TYW1B: variants seen among roughly 807,000 people sequenced by gnomAD.
The protein encoded by TYW1B is S-adenosyl-L-methionine-dependent tRNA 4-demethylwyosine synthase TYW1B.
TYW1B carries 73 observed loss-of-function variants against 86.9 expected under a neutral mutation model. That is an observed-to-expected ratio of 0.84 (90% CI 0.70 to 1.02). TYW1B has a LOEUF of 1.02. Ranked by LOEUF, TYW1B falls within the 50% of genes least tolerant of loss-of-function variation. The pLI, the probability that TYW1B is intolerant of heterozygous loss-of-function variation, is 0.00. For missense variants in TYW1B, 637 were observed against 827.4 expected (o/e 0.77, Z 2.82); for synonymous variants, 248 against 292.8 (o/e 0.85, Z 1.56).
chr7:72,771,968 T>G (rs1787876270), intron 7 of TYW1B, among the ~76,000 whole-genome samples: 1 of 151,516 alleles, frequency 6.6e-6, no homozygotes, highest in South Asian at 2.1e-4. Context: ...TGCCTCAGAC[T>G]CCCACGTAAT....
At chr7:72,822,738 G>A (rs1447539060) in intron 2 of TYW1B, among the ~76,000 whole-genome samples, 1 of 152,192 alleles carries the variant, frequency 6.6e-6, no homozygotes, top group Non-Finnish European at 1.5e-5. Context: ...GCTGGGCATG[G>A]TGATTCATGC....
At chr7:72,626,763 C>A (rs1158773066) in intron 12 of TYW1B, among the ~76,000 whole-genome samples, 7 of 152,128 alleles carry the variant, frequency 4.6e-5, no homozygotes, top group African/African-American at 1.7e-4. Flanking sequence ...TCCCACTGAC[C>A]TTCCCCAAAC....
chr7:72,660,421 C>CTG (rs1470269151), intron 11 of TYW1B, among the ~76,000 whole-genome samples: 25 of 152,182 alleles, frequency 1.6e-4, no homozygotes, highest in Non-Finnish European at 1.0e-4. Context: ...AGCAGCATGG[C>CTG]TGTTCCAATA....
chr7:72,710,110 T>G (rs1786609784), intron 10 of TYW1B, among the ~76,000 whole-genome samples: 1 of 152,220 alleles, frequency 6.6e-6, no homozygotes. Context: ...TTTTCCTCAA[T>G]CCATGATGGC....
At chr7:72,813,881 G>C (rs1364194691) in intron 3 of TYW1B, among the ~76,000 whole-genome samples, 12 of 151,886 alleles carry the variant, frequency 7.9e-5, no homozygotes, top group Non-Finnish European at 1.5e-4. Context: ...CAGGTGTGGT[G>C]GTGGGCACCT....
intron 13 of TYW1B, among the ~76,000 whole-genome samples, chr7:72,613,720 CTTTA>C (rs1811995683): frequency 6.6e-6 from 1 of 151,904 alleles, no homozygotes; most frequent in African/African-American, 2.4e-5. Flanking sequence ...CCCATATTTT[CTTTA>C]TAAACAAAGC....
chr7:72,650,329 A>G (rs1282928755), intron 11 of TYW1B, among the ~76,000 whole-genome samples: 8 of 152,040 alleles, frequency 5.3e-5, no homozygotes, highest in African/African-American at 1.9e-4. Flanking sequence ...GTAAGCCCAT[A>G]AAGTTTCCTC....
intron 4 of TYW1B, among the ~76,000 whole-genome samples, chr7:72,808,136 A>T (rs1788531314): frequency 6.6e-6 from 1 of 151,832 alleles, no homozygotes; most frequent in African/African-American, 2.4e-5. Flanking sequence ...GAATTTTCCC[A>T]TTCATAGTCT....
chr7:72,667,048 A>AAAAGAAAG (rs1554445448), intron 11 of TYW1B, among the ~76,000 whole-genome samples: 1 of 131,370 alleles, frequency 7.6e-6, no homozygotes, highest in Admixed American at 7.8e-5. Context: ...AAAAAAAAAA[A>AAAAGAAAG]AAAGAAACTA....
intron 10 of TYW1B, among the ~76,000 whole-genome samples, chr7:72,695,823 T>C (rs1219195045): frequency 1.3e-5 from 2 of 152,102 alleles, no homozygotes; most frequent in African/African-American, 4.8e-5. Flanking sequence ...CTGGAACTCC[T>C]GGGCTCAAGC....
At chr7:72,654,032 A>ATC (rs1813139767) in intron 11 of TYW1B, among the ~76,000 whole-genome samples, 1 of 151,118 alleles carries the variant, frequency 6.6e-6, no homozygotes, top group Admixed American at 6.6e-5. Context: ...GTGAGCTAAG[A>ATC]GCATGCCACT....
intron 7 of TYW1B, among the ~76,000 whole-genome samples, chr7:72,754,288 C>T (rs1386325464): frequency 2.6e-5 from 4 of 151,664 alleles, no homozygotes; most frequent in South Asian, 2.1e-4. Context: ...TACAGGTGCC[C>T]GCTGCCACCA....
At chr7:72,605,623 A>G (rs1225014225) in intron 13 of TYW1B, among the ~76,000 whole-genome samples, 27 of 152,136 alleles carry the variant, frequency 1.8e-4, no homozygotes, top group African/African-American at 5.1e-4. Context: ...AAGTGCTGGG[A>G]TTACAGGTGT....
At chr7:72,669,712 G>A (rs1322167600) in intron 11 of TYW1B, among the ~76,000 whole-genome samples, 3 of 152,088 alleles carry the variant, frequency 2.0e-5, no homozygotes, top group Non-Finnish European at 2.9e-5. Context: ...AGAGACTTCA[G>A]TGAGCTGAGA....
intron 7 of TYW1B, among the ~76,000 whole-genome samples, chr7:72,765,478 T>C (rs76207364): frequency 6.6e-6 from 1 of 152,182 alleles, no homozygotes; most frequent in East Asian, 1.9e-4. Context: ...CTAGATAATT[T>C]TTTTTGAGAT....
intron 10 of TYW1B, among the ~76,000 whole-genome samples, chr7:72,704,077 T>TA (rs1261912674): frequency 1.3e-5 from 2 of 152,222 alleles, no homozygotes; most frequent in East Asian, 3.9e-4. Context: ...TATTCAGTGT[T>TA]AAAAATTTTG....
chr7:72,717,644 GACACACACAC>G lies in TYW1B; in HGVS notation c.1193-3856_1193-3847del, dbSNP rs71071905. Among the ~76,000 whole-genome samples, 314 of 146,202 alleles carry G rather than the reference GACACACACAC, an allele frequency of 2.1e-3. 5 individuals are homozygous for G. In the East Asian group the frequency reaches 0.029, roughly 13 times the overall value. On this transcript the variant is annotated intron_variant, in intron 9 of 13. Transcript: ENST00000620995. ...TAAGGTATTGGTGTCAGCTGTGCTT[GACACACACAC>G]ACACACACACACACACACACACACT...
At chr7:72,813,171 CTTTTTTTTTTTT>C (rs782128548) in intron 3 of TYW1B, among the ~76,000 whole-genome samples, 1 of 123,770 alleles carries the variant, frequency 8.1e-6, no homozygotes, top group Non-Finnish European at 1.7e-5. Flanking sequence ...CATACTTCTT[CTTTTTTTTTTTT>C]TTTTTTTTTG....
At chr7:72,779,667 A>C (rs1788016273) in intron 6 of TYW1B, among the ~76,000 whole-genome samples, 1 of 137,894 alleles carries the variant, frequency 7.3e-6, no homozygotes, top group Non-Finnish European at 1.5e-5. Context: ...CGGTGAGCCA[A>C]GACTGTGCCA....
Sources: allele counts gnomAD v4.1 joint callset (sites outside exome capture counted in the v4.1 genomes callset), GRCh38; gene constraint gnomAD v4.1.1; transcripts MANE v1.5; gene names NCBI Gene and HGNC (gene_info 2026-07-23, HGNC 2026-07-21).